ITGA4: variants seen among roughly 807,000 people sequenced by gnomAD.
ITGA4 encodes the protein integrin alpha-4.
In ITGA4, 63 loss-of-function variants were observed where a neutral mutation model predicts 133.6. The observed-to-expected ratio is 0.47, with a 90% CI of 0.38 to 0.58. ITGA4 has a LOEUF of 0.58. Among genes scored for constraint, ITGA4 ranks in the 20% least tolerant of loss-of-function variants. The pLI is 0.00. For synonymous variants in ITGA4, 483 were observed against 438.0 expected (o/e 1.10, Z -1.28); for missense variants, 1,076 against 1,252.7 (o/e 0.86, Z 2.13).
chr2:181,519,390 T>TA (rs1280518510), intron 17 of ITGA4, among the ~76,000 whole-genome samples: 1 of 152,098 alleles, frequency 6.6e-6, no homozygotes, highest in Non-Finnish European at 1.5e-5. Flanking sequence ...CATGTATTCA[T>TA]AAAAAATATT....
intron 15 of ITGA4, among the ~76,000 whole-genome samples, chr2:181,501,882 G>A (rs1686280414): frequency 6.6e-6 from 1 of 152,088 alleles, no homozygotes; most frequent in African/African-American, 2.4e-5. Flanking sequence ...GTTGAGGACA[G>A]GCAGAGAACA....
At chr2:181,502,015 A>C (rs1490128904) in intron 15 of ITGA4, among the ~76,000 whole-genome samples, 4 of 152,084 alleles carry the variant, frequency 2.6e-5, no homozygotes, top group Non-Finnish European at 4.4e-5. Context: ...AGGTTGGCAA[A>C]AAGAGGCCCA....
intron 17 of ITGA4, among the ~76,000 whole-genome samples, chr2:181,512,280 A>C (rs1477584755): frequency 6.6e-6 from 1 of 152,086 alleles, no homozygotes; most frequent in South Asian, 2.1e-4. Context: ...GAAGGGAAGA[A>C]GATGCATCAG....
chr2:181,470,733 G>A (rs1435345919), intron 2 of ITGA4, among the ~76,000 whole-genome samples: 1 of 152,056 alleles, frequency 6.6e-6, no homozygotes, highest in East Asian at 1.9e-4. Context: ...AGAGAAGCTG[G>A]GCATGGTGGT....
chr2:181,519,326 A>T (rs1020034586), intron 17 of ITGA4, among the ~76,000 whole-genome samples: 2 of 152,148 alleles, frequency 1.3e-5, no homozygotes, highest in Admixed American at 1.3e-4. Flanking sequence ...AAAGCCCCAG[A>T]GGGTTTTTCA....
intron 10 of ITGA4, among the ~76,000 whole-genome samples, chr2:181,491,256 C>CAACCACTTCACTACCAA (rs145466220): frequency 0.29 from 6,305 of 21,388 alleles, 3,042 homozygotes; most frequent in East Asian, 0.41. Context: ...AGAATTACAT[C>CAACCACTTCACTACCAA]GCCGGGCGCG....
intron 14 of ITGA4, among the ~76,000 whole-genome samples, chr2:181,496,714 A>T (rs1310115230): frequency 1.3e-5 from 2 of 152,188 alleles, no homozygotes; most frequent in African/African-American, 4.8e-5. Context: ...TATTTAGGCT[A>T]ATATAAGAAT....
intron 10 of ITGA4, among the ~76,000 whole-genome samples, chr2:181,487,720 T>C (rs1198208736): frequency 2.0e-5 from 3 of 152,224 alleles, no homozygotes; most frequent in Non-Finnish European, 4.4e-5. Context: ...AGATGTACCA[T>C]ACCAGGTACA....
rs1686756860 is a variant in ITGA4, at chr2:181,523,227, C to CATACATATATATACACATACATAT, written c.2074-204_2074-181dup. 1 of 419,494 alleles carries CATACATATATATACACATACATAT rather than the reference C, an allele frequency of 2.4e-6. No homozygotes were observed. Among genetic ancestry groups the CATACATATATATACACATACATAT allele is most frequent in the Non-Finnish European group, 4.4e-6 (1 of 227,578 alleles). The allele number at this position is 419,494 out of a possible 1,614,324, so 26.0% of individuals were successfully genotyped here. A position where few individuals can be genotyped will look rare whatever the true frequency, so the allele number is the denominator to read the frequency against. ...ACACACATATATACACACATATATA[C>CATACATATATATACACATACATAT]ATACATATATATACACATACATATA... On this transcript the variant is annotated intron_variant, in intron 18 of 27. Transcript: ENST00000397033. This position sits in a 1 kb window ranked among gnomAD's most constrained non-coding sequence, Gnocchi z 4.2.
intron 10 of ITGA4, among the ~76,000 whole-genome samples, chr2:181,488,725 T>C (rs759757453): frequency 1.3e-5 from 2 of 150,104 alleles, no homozygotes; most frequent in African/African-American, 5.0e-5. Flanking sequence ...CCCCAGCTAA[T>C]TTTTTTGTGT....
At chr2:181,496,391 T>C (rs1686159704) in intron 14 of ITGA4, among the ~76,000 whole-genome samples, 2 of 151,994 alleles carry the variant, frequency 1.3e-5, no homozygotes, top group African/African-American at 4.8e-5. Context: ...CACCACTGCA[T>C]TCCAGCCCGG....
In ITGA4 at chr2:181,522,241, T is replaced by C. The variant is rs377155870; in HGVS notation, c.1973T>C (p.Met658Thr). The stretch of plus-strand genomic sequence containing the variant: ...GCTGTTGGGAGTATGAAGACATTGA[T>C]GTTGAATGTGTCCTTGTTTAATGCT... ...YLAVGSMKTL[M>T]LNVSLFNAGD... Residue 658 changes from methionine to threonine, a missense_variant, in exon 18 of 28, where the codon ATG (methionine) becomes ACG (threonine). Around this residue, in one of 4 missense-constraint regions of ITGA4, gnomAD observed 365 missense variants for 421.4 expected, o/e 0.87. Coordinates refer to ENST00000397033, the MANE Select transcript of ITGA4 (RefSeq NM_000885.6). 3 of 1,606,586 alleles carry C rather than the reference T, an allele frequency of 1.9e-6. No homozygotes were observed. The highest frequency in any genetic ancestry group is 2.6e-6 in the Non-Finnish European group (3 of 1,173,792).
chr2:181,466,791 A>G (rs1257792535), intron 2 of ITGA4, among the ~76,000 whole-genome samples: 2 of 152,114 alleles, frequency 1.3e-5, no homozygotes, highest in African/African-American at 2.4e-5. Context: ...TTAAAAAGCT[A>G]AAGACTGCTG....
chr2:181,492,384 G>A (rs1452876099), intron 10 of ITGA4, among the ~76,000 whole-genome samples: 1 of 152,108 alleles, frequency 6.6e-6, no homozygotes. Context: ...TGAAATAGTA[G>A]CCCAAAATTA....
intron 16 of ITGA4, among the ~76,000 whole-genome samples, chr2:181,510,153 C>A (rs1321529523): frequency 2.0e-5 from 3 of 152,070 alleles, no homozygotes; most frequent in Non-Finnish European, 4.4e-5. Flanking sequence ...CATGTGTCCT[C>A]AGTTTATCTT....
chr2:181,480,920 A>G (rs145041734), intron 6 of ITGA4, among the ~76,000 whole-genome samples: 1 of 152,202 alleles, frequency 6.6e-6, no homozygotes, highest in Non-Finnish European at 1.5e-5. Context: ...ATTAATGTCC[A>G]TTACAAGAAA....
At chr2:181,462,315 G>C (rs181039935) in intron 2 of ITGA4, among the ~76,000 whole-genome samples, 355 of 152,172 alleles carry the variant, frequency 2.3e-3, no homozygotes, top group South Asian at 6.8e-3. Flanking sequence ...CCCATATTTA[G>C]ATTTCTTTCT....
chr2:181,459,881 C>T (rs1685225215), intron 2 of ITGA4, among the ~76,000 whole-genome samples: 2 of 152,140 alleles, frequency 1.3e-5, no homozygotes, highest in South Asian at 4.1e-4. Context: ...TCTGGATGGA[C>T]ACTGAATCTA....
intron 17 of ITGA4, among the ~76,000 whole-genome samples, chr2:181,517,212 T>C (rs998804783): frequency 2.0e-5 from 3 of 152,212 alleles, no homozygotes; most frequent in Admixed American, 2.0e-4. Flanking sequence ...GTCATGTATC[T>C]TGACATAGTG....
Sources: gnomAD v4.1 joint callset for allele counts (sites outside exome capture counted in the v4.1 genomes callset) on GRCh38, gnomAD v4.1.1 for gene constraint, gnomAD v4.1.1 regional missense constraint, Gnocchi (gnomAD v3.1) non-coding constraint, MANE v1.5 for transcripts, NCBI Gene and HGNC (gene_info 2026-07-23, HGNC 2026-07-21) for gene names.